Variants in PCDH7 observed in about 807,000 individuals in gnomAD.
The protein encoded by PCDH7 is protocadherin-7.
A neutral mutation model predicts 58.9 loss-of-function variants in PCDH7; 17 were observed. The ratio of observed to expected loss-of-function variants is 0.29; its 90% CI spans 0.20 to 0.43. The LOEUF (loss-of-function observed/expected upper bound fraction) is 0.43, where lower values mean the gene tolerates loss of function less well. Ranked by LOEUF, PCDH7 falls within the 20% of genes least tolerant of loss-of-function variation. The pLI, the probability that PCDH7 is intolerant of heterozygous loss-of-function variation, is 1.00. For missense variants in PCDH7, 1,274 were observed against 1,441.0 expected (o/e 0.88, Z 1.88); for synonymous variants, 664 against 616.4 (o/e 1.08, Z -1.14).
chr4:30,897,777 A>G (rs990511132), intron 1 of PCDH7, among the ~76,000 whole-genome samples: 1 of 152,224 alleles, frequency 6.6e-6, no homozygotes, highest in African/African-American at 2.4e-5. Context: ...TAAACCAATG[A>G]AATAGGTTGT....
chr4:31,145,248 G>A (rs911508627), downstream of PCDH7: 3 of 151,830 alleles, frequency 2.0e-5, no homozygotes, highest in African/African-American at 7.3e-5. Flanking sequence ...CATTTAACTC[G>A]TGAACCTCTC....
intron 3 of PCDH7, among the ~76,000 whole-genome samples, chr4:31,110,855 T>C (rs1716204377): frequency 1.3e-5 from 2 of 151,136 alleles, no homozygotes; most frequent in Admixed American, 1.3e-4. Flanking sequence ...GCGGAGCTTG[T>C]AGTGAGCCAA....
chr4:30,977,449 C>G (rs1750172903), intron 3 of PCDH7, among the ~76,000 whole-genome samples: 1 of 152,154 alleles, frequency 6.6e-6, no homozygotes, highest in African/African-American at 2.4e-5. Context: ...AGACCAACCT[C>G]AGTCATCAAT....
intron 3 of PCDH7, among the ~76,000 whole-genome samples, chr4:31,052,191 C>A (rs1472714980): frequency 1.3e-5 from 2 of 152,042 alleles, no homozygotes; most frequent in Non-Finnish European, 2.9e-5. Context: ...ATTTATCATG[C>A]CTGTTCCTTA....
At chr4:30,830,469 AG>A (rs1014864156) in intron 1 of PCDH7, among the ~76,000 whole-genome samples, 4 of 152,132 alleles carry the variant, frequency 2.6e-5, no homozygotes, top group Non-Finnish European at 5.9e-5. Flanking sequence ...GACTAAAAAA[AG>A]ATTTAAAAAA....
intron 1 of PCDH7, among the ~76,000 whole-genome samples, chr4:30,863,686 A>C (rs189125250): frequency 6.6e-6 from 1 of 152,194 alleles, no homozygotes; most frequent in East Asian, 1.9e-4. Flanking sequence ...ATACTTCTCC[A>C]TATACTCATT....
At chr4:31,032,714 G>C (rs1401605754) in intron 3 of PCDH7, among the ~76,000 whole-genome samples, 1 of 149,156 alleles carries the variant, frequency 6.7e-6, no homozygotes, top group African/African-American at 2.5e-5. Flanking sequence ...GAGAGAGGGA[G>C]GGAGGGAAAG....
chr4:30,824,321 T>C (rs1214978415), intron 1 of PCDH7, among the ~76,000 whole-genome samples: 1 of 152,006 alleles, frequency 6.6e-6, no homozygotes, highest in East Asian at 1.9e-4. Context: ...ACACAAGCTC[T>C]GAAATCTGAT....
intron 1 of PCDH7, among the ~76,000 whole-genome samples, chr4:30,891,988 A>C (rs1004171062): frequency 2.0e-5 from 3 of 151,968 alleles, no homozygotes; most frequent in African/African-American, 7.2e-5. Flanking sequence ...ACTCTGTCAA[A>C]AAAGAATGAA....
intron 1 of PCDH7, among the ~76,000 whole-genome samples, chr4:30,822,487 A>AT (rs1267082532): frequency 3.9e-5 from 6 of 151,918 alleles, no homozygotes; most frequent in African/African-American, 1.5e-4. Flanking sequence ...TTGTGTTATT[A>AT]TTTTTCTGCC....
intron 3 of PCDH7, among the ~76,000 whole-genome samples, chr4:31,041,671 A>G (rs998899399): frequency 8.6e-5 from 13 of 151,826 alleles, no homozygotes; most frequent in Non-Finnish European, 1.8e-4. Flanking sequence ...AGTTATTTAC[A>G]TTTTCATTAG....
Position 30,796,728 on chromosome 4 carries a change from C to T in PCDH7, c.70+72132C>T, listed in dbSNP as rs1307753633. Reference sequence around the variant, plus strand: ...TGTCTTGATTTAGAATCACATTCCTCTGGTTTTAAACTCCCTTTCCCACTT... The same window carrying T: ...TGTCTTGATTTAGAATCACATTCCTTTGGTTTTAAACTCCCTTTCCCACTT... On this transcript the variant is annotated intron_variant, in intron 1 of 3. Coordinates refer to the PCDH7 transcript ENST00000509759. 2.6e-5 allele frequency among the ~76,000 whole-genome samples: 4 copies of T among 152,184 alleles called. No homozygotes were observed. The East Asian group carries it at 5.8e-4, about 22-fold the overall frequency.
At chr4:30,958,116 A>G (rs1443848787) in intron 3 of PCDH7, among the ~76,000 whole-genome samples, 2 of 152,046 alleles carry the variant, frequency 1.3e-5, no homozygotes, top group Non-Finnish European at 1.5e-5. Context: ...ATATACATGG[A>G]AAGAATCAGT....
intron 3 of PCDH7, among the ~76,000 whole-genome samples, chr4:30,988,844 A>G (rs966439427): frequency 6.6e-6 from 1 of 152,188 alleles, no homozygotes; most frequent in Non-Finnish European, 1.5e-5. Context: ...CTGTGCAATG[A>G]TGGTAGTATT....
chr4:30,840,218 A>G (rs558939741), intron 1 of PCDH7, among the ~76,000 whole-genome samples: 1 of 152,082 alleles, frequency 6.6e-6, no homozygotes, highest in African/African-American at 2.4e-5. Flanking sequence ...AGGAGAAAAA[A>G]AAGACACAAA....
chr4:31,025,647 T>C (rs1754367191), intron 3 of PCDH7, among the ~76,000 whole-genome samples: 1 of 152,212 alleles, frequency 6.6e-6, no homozygotes, highest in Non-Finnish European at 1.5e-5. Flanking sequence ...CTAAAACCTA[T>C]CTTTTCACAC....
chr4:30,905,139 A>G (rs763080967), intron 1 of PCDH7, among the ~76,000 whole-genome samples: 29 of 152,214 alleles, frequency 1.9e-4, no homozygotes, highest in Non-Finnish European at 2.8e-4. Flanking sequence ...CATTCATTTC[A>G]TTATGGGACA....
At chr4:30,811,037 T>C (rs1040004737) in intron 1 of PCDH7, among the ~76,000 whole-genome samples, 10 of 152,200 alleles carry the variant, frequency 6.6e-5, no homozygotes, top group Non-Finnish European at 8.8e-5. Flanking sequence ...TAAAAGCTAA[T>C]TGTGACTATG....
chr4:31,062,733 T>C lies in PCDH7; in HGVS notation c.*8-79740T>C, dbSNP rs1578691717. On this transcript the variant is annotated intron_variant, in intron 3 of 3. Transcript: ENST00000509759. ...CAAAATGCCACAGGGCCATACAAAA[T>C]GTAATTTTGTGTTTCTGTGTGTGTG... 3.3e-5 allele frequency among the ~76,000 whole-genome samples: 5 copies of C among 151,992 alleles called. No homozygotes were observed. The East Asian group carries it at 9.7e-4, about 29-fold the overall frequency.
Sources: gnomAD v4.1 joint callset for allele counts (sites outside exome capture counted in the v4.1 genomes callset) on GRCh38, gnomAD v4.1.1 for gene constraint, MANE v1.5 for transcripts, NCBI Gene and HGNC (gene_info 2026-07-23, HGNC 2026-07-21) for gene names.